The following HSPA12A variants were observed in gnomAD, a reference collection of about 807,000 sequenced individuals.
HSPA12A encodes the protein heat shock protein family A (Hsp70) member 12A.
A neutral mutation model predicts 69.2 loss-of-function variants in HSPA12A; 28 were observed. The ratio of observed to expected loss-of-function variants is 0.40; its 90% confidence interval spans 0.30 to 0.55. The LOEUF (loss-of-function observed/expected upper bound fraction) is 0.55. HSPA12A is among the 20% of genes least tolerant of loss of function. HSPA12A has a pLI of 0.38. For synonymous variants in HSPA12A, 345 were observed against 370.5 expected (o/e 0.93, Z 0.79); for missense variants, 686 against 900.7 (o/e 0.76, Z 3.05).
At chr10:116,836,768 A>AACACACACACACACAC (rs75862523) in intron 1 of HSPA12A, among the ~76,000 whole-genome samples, 2 of 146,514 alleles carry the variant, frequency 1.4e-5, no homozygotes, top group Non-Finnish European at 3.0e-5. Context: ...AAACGAACCG[A>AACACACACACACACAC]ACACACACAC....
At chr10:116,797,949 C>G (rs1013118387) in intron 2 of HSPA12A, among the ~76,000 whole-genome samples, 24 of 152,148 alleles carry the variant, frequency 1.6e-4, no homozygotes, top group African/African-American at 5.8e-4. Flanking sequence ...AAGGACATAT[C>G]CAGCAGAGGG....
chr10:116,849,423 G>A (rs17095337), intron 1 of HSPA12A: 19,300 of 1,192,888 alleles, frequency 0.016, 205 homozygotes, highest in Non-Finnish European at 0.02. Flanking sequence ...TCCAATAAAA[G>A]GGAACGACTT....
intron 1 of HSPA12A, among the ~76,000 whole-genome samples, chr10:116,724,294 A>T (rs1167871187): frequency 3.9e-5 from 6 of 152,170 alleles, no homozygotes; most frequent in African/African-American, 7.2e-5. Context: ...AAAACTTTAT[A>T]AAAAAATTTT....
At chr10:116,700,824 G>T in intron 4 of HSPA12A, 119 bp downstream of exon 4, 1 of 861,624 alleles carries the variant, frequency 1.2e-6, no homozygotes, top group Non-Finnish European at 1.8e-6. Context: ...ACTGATTTCT[G>T]CTTGGAAGAG....
chr10:116,747,431 C>T (rs1851672815), upstream of HSPA12A, among the ~76,000 whole-genome samples: 1 of 152,208 alleles, frequency 6.6e-6, no homozygotes, highest in South Asian at 2.1e-4. Flanking sequence ...CCCTGCAAAG[C>T]TGCCGGTTCA....
chr10:116,848,345 G>A (rs757128388), intron 1 of HSPA12A, among the ~76,000 whole-genome samples: 6 of 152,270 alleles, frequency 3.9e-5, no homozygotes, highest in Non-Finnish European at 8.8e-5. Context: ...TTGTGTAACA[G>A]TACTTATAGC....
At chr10:116,706,714 A>G (rs1850263785) in intron 2 of HSPA12A, among the ~76,000 whole-genome samples, 2 of 152,238 alleles carry the variant, frequency 1.3e-5, no homozygotes, top group Admixed American at 1.3e-4. Context: ...CACTCAATGC[A>G]TATGAAGCCC....
chr10:116,774,440 A>G (rs1286586351), intron 2 of HSPA12A, among the ~76,000 whole-genome samples: 3 of 152,162 alleles, frequency 2.0e-5, no homozygotes, highest in African/African-American at 7.2e-5. Context: ...TTGGGCACTT[A>G]ATAGAAATGC....
At chr10:116,698,416 T>C (rs1554881149) in intron 5 of HSPA12A, 1 of 424,476 alleles carries the variant, frequency 2.4e-6, no homozygotes, top group East Asian at 3.3e-5. Context: ...CTTTACTTTT[T>C]TAGGAATTGC....
chr10:116,750,486 G>A (rs531981237), intron 2 of HSPA12A: 8 of 511,978 alleles, frequency 1.6e-5, no homozygotes, highest in African/African-American at 7.7e-5. Context: ...GAAGTGCATC[G>A]AAAGCACATC....
At chr10:116,846,695 G>A (rs1336605965) in intron 1 of HSPA12A, among the ~76,000 whole-genome samples, 1 of 152,090 alleles carries the variant, frequency 6.6e-6, no homozygotes, top group East Asian at 1.9e-4. Context: ...ATTCATTACA[G>A]GAAAATCAGA....
At chr10:116,777,337 ATC>A (rs1554891247) in intron 2 of HSPA12A, among the ~76,000 whole-genome samples, 1 of 152,282 alleles carries the variant, frequency 6.6e-6, no homozygotes, top group Admixed American at 6.5e-5. Context: ...TTAAAACAGT[ATC>A]TTTTAGAATA....
chr10:116,766,669 T>C (rs530013775), intron 2 of HSPA12A, among the ~76,000 whole-genome samples: 1 of 152,272 alleles, frequency 6.6e-6, no homozygotes, highest in South Asian at 2.1e-4. Flanking sequence ...CACAATTCAA[T>C]CAGCTTGGCA....
At chr10:116,785,480 C>T (rs1844556006) in intron 2 of HSPA12A, among the ~76,000 whole-genome samples, 1 of 152,068 alleles carries the variant, frequency 6.6e-6, no homozygotes, top group Non-Finnish European at 1.5e-5. Context: ...CTTGCCTGAC[C>T]CCAGCCCCAG....
chr10:116,834,548 C>A (rs1845676163), intron 2 of HSPA12A, among the ~76,000 whole-genome samples: 1 of 152,278 alleles, frequency 6.6e-6, no homozygotes, highest in South Asian at 2.1e-4. Flanking sequence ...TCTCTTCCTG[C>A]CTTTGTATGG....
At chr10:116,712,415 C>T (rs1850462944) in intron 1 of HSPA12A, among the ~76,000 whole-genome samples, 2 of 152,190 alleles carry the variant, frequency 1.3e-5, no homozygotes, top group Non-Finnish European at 2.9e-5. Context: ...GGATTTCTTA[C>T]AACCCCAAAC....
At chr10:116,684,418 C>T (rs530975833) in intron 6 of HSPA12A, among the ~76,000 whole-genome samples, 8 of 152,290 alleles carry the variant, frequency 5.3e-5, no homozygotes, top group African/African-American at 1.9e-4. Flanking sequence ...ATATACCACA[C>T]GGTCTGACCA....
chr10:116,842,321 C>T (rs1845815011), intron 1 of HSPA12A, among the ~76,000 whole-genome samples: 1 of 152,128 alleles, frequency 6.6e-6, no homozygotes, highest in Admixed American at 6.6e-5. Context: ...CTAACTGGTC[C>T]TCTTAACTAG....
intron 5 of HSPA12A, among the ~76,000 whole-genome samples, chr10:116,694,392 G>A (rs1849822676): frequency 6.6e-6 from 1 of 152,124 alleles, no homozygotes; most frequent in African/African-American, 2.4e-5. Flanking sequence ...TTTTCTCCTG[G>A]AATTTATTCA....
Sources: gnomAD v4.1 joint callset for allele counts (sites outside exome capture counted in the v4.1 genomes callset) on GRCh38, gnomAD v4.1.1 for gene constraint, MANE v1.5 for transcripts, NCBI Gene and HGNC (gene_info 2026-07-23, HGNC 2026-07-21) for gene names.